Variants in CDON observed in about 807,000 individuals in gnomAD.
CDON encodes the protein cell adhesion molecule-related/down-regulated by oncogenes.
Under a neutral mutation model 120.9 loss-of-function variants are expected in CDON, and 73 were observed. The ratio of observed to expected loss-of-function variants is 0.60; its 90% CI spans 0.50 to 0.73. CDON has a LOEUF of 0.73. CDON is among the 30% of genes least tolerant of loss of function. The probability of loss-of-function intolerance (pLI) is 0.00; values close to 1 mark genes in which losing one functional copy is unlikely to be tolerated. For missense variants in CDON, 1,470 were observed against 1,587.3 expected (o/e 0.93, Z 1.26); for synonymous variants, 566 against 573.5 (o/e 0.99, Z 0.19).
intron 18 of CDON, among the ~76,000 whole-genome samples, chr11:125,970,083 T>C (rs1394113305): frequency 2.0e-5 from 3 of 152,136 alleles, no homozygotes; most frequent in Admixed American, 1.3e-4. Context: ...GGGAAAGAAC[T>C]ATCCGTGAAT....
At chr11:126,029,685 C>G (rs891328284) in intron 1 of CDON, among the ~76,000 whole-genome samples, 1 of 152,092 alleles carries the variant, frequency 6.6e-6, no homozygotes, top group Admixed American at 6.6e-5. Context: ...ACCCAGTGGT[C>G]TCAAATGGAA....
intron 1 of CDON, among the ~76,000 whole-genome samples, chr11:126,028,706 G>GT (rs1190353254): frequency 1.0e-4 from 12 of 118,860 alleles, no homozygotes; most frequent in Admixed American, 2.9e-4. Context: ...CAGCTGCGGA[G>GT]AATTTATTTA....
chr11:125,961,470 A>G (rs1945640990), intron 19 of CDON, among the ~76,000 whole-genome samples: 1 of 152,196 alleles, frequency 6.6e-6, no homozygotes. Context: ...ATCAAAGCCT[A>G]TTTCCAAATA....
intron 18 of CDON, 98 bp downstream of exon 18, chr11:125,978,206 C>T (rs1403575942): frequency 2.6e-6 from 2 of 757,720 alleles, no homozygotes; most frequent in Admixed American, 4.0e-5. Flanking sequence ...ACTTTATATC[C>T]TAGGTAAAAT....
chr11:125,984,632 G>C (rs185059264), intron 15 of CDON, among the ~76,000 whole-genome samples: 1 of 151,078 alleles, frequency 6.6e-6, no homozygotes, highest in Admixed American at 6.6e-5. Flanking sequence ...GGGAGAAGGA[G>C]GTTGCAGTGA....
chr11:126,043,066 G>A (rs1431073011), intron 1 of CDON, among the ~76,000 whole-genome samples: 2 of 152,202 alleles, frequency 1.3e-5, no homozygotes. Context: ...GAGGCTACTC[G>A]CTTTGACCTT....
In CDON at chr11:126,005,768, C is replaced by T. The variant is rs35705696; in HGVS notation, c.1842G>A (p.Lys614=). Residue 614 remains lysine, a synonymous_variant, in exon 9 of 20, where the codon AAG becomes AAA. Transcript: ENST00000531738. ...AACGACAAGACATTACCTTTCGATACTTCACAAAGTAAGCATTGATGGGCA... is the reference window on the plus strand; with the variant it reads ...AACGACAAGACATTACCTTTCGATATTTCACAAAGTAAGCATTGATGGGCA... ...GGLPINAYFV[K]YRKLDDGVGM... 7.4e-6 allele frequency: 12 copies of T among 1,613,344 alleles called. No homozygotes were observed. The East Asian group carries it at 2.5e-4, about 33-fold the overall frequency.
At chr11:126,004,412 T>C in intron 9 of CDON, 1 of 328,456 alleles carries the variant, frequency 3.0e-6, no homozygotes, top group Non-Finnish European at 5.8e-6. Context: ...AAGAATAAAA[T>C]AAGTATAAAA....
chr11:126,005,130 T>A (rs1947073933), intron 9 of CDON, among the ~76,000 whole-genome samples: 1 of 151,952 alleles, frequency 6.6e-6, no homozygotes, highest in Admixed American at 6.6e-5. Flanking sequence ...CAAAACCCCA[T>A]CTCTACTAAA....
Position 125,959,020 on chromosome 11 carries a change from G to A in CDON, c.*1922C>T, listed in dbSNP as rs1945568088. On this transcript the variant is annotated 3_prime_UTR_variant, in exon 20 of 20. Coordinates refer to ENST00000531738, the MANE Select transcript of CDON (RefSeq NM_001378964.1). ...AGAGCTAACTGCATTTAAGCAACAT[G>A]AAGAATAAATCCAGTATACTATAGG... 1 of 152,156 alleles carries A rather than the reference G, an allele frequency of 6.6e-6. No individual in the cohort carries two copies. The highest frequency in any genetic ancestry group is 1.5e-5 in the Non-Finnish European group (1 of 68,044). 9.4% of individuals were successfully genotyped at this position (152,156 alleles called of 1,614,324 possible). A position where few individuals can be genotyped will look rare whatever the true frequency, so the allele number is the denominator to read the frequency against.
At chr11:126,047,659 C>T (rs1278073933) in intron 1 of CDON, among the ~76,000 whole-genome samples, 1 of 152,134 alleles carries the variant, frequency 6.6e-6, no homozygotes, top group Non-Finnish European at 1.5e-5. Context: ...ATGGGATGAT[C>T]CCATAGCCCC....
intron 1 of CDON, among the ~76,000 whole-genome samples, chr11:126,027,445 G>A (rs1180596456): frequency 6.6e-6 from 1 of 152,122 alleles, no homozygotes; most frequent in Non-Finnish European, 1.5e-5. Context: ...TAATATTAGT[G>A]TTATGGTTAT....
intron 7 of CDON, chr11:126,015,007 T>C (rs1244475705): frequency 1.9e-6 from 1 of 537,930 alleles, no homozygotes; most frequent in African/African-American, 1.9e-5. Flanking sequence ...ATTTTTAAAG[T>C]AGGCAGAATC....
rs376371465 is a variant in CDON at position 125,998,778 on chromosome 11, C to T, written c.2159-1368G>A. Among the ~76,000 whole-genome samples the T allele has an allele frequency of 3.9e-5, 6 of 152,158 alleles. No homozygotes were observed. The East Asian group carries it at 9.6e-4, about 24-fold the overall frequency. ...CTGCTTTGCCTTGATCATCTGTGAA[C>T]TGGATAGACATGAGCCGGTTTTTGA... On this transcript the variant is annotated intron_variant, in intron 11 of 19. Coordinates refer to ENST00000531738, the MANE Select transcript of CDON (RefSeq NM_001378964.1).
intron 1 of CDON, among the ~76,000 whole-genome samples, chr11:126,059,482 C>A (rs548542411): frequency 9.3e-5 from 14 of 149,760 alleles, no homozygotes; most frequent in African/African-American, 2.2e-4. Flanking sequence ...CCCCCTCAAC[C>A]CCCCCTGCCC....
rs73019367 is a variant in CDON, at chr11:125,957,080, C to A, written c.*3862G>T. ...CTGAAGTTCATAAACATGTGGCGCT[C>A]GGTTAATGGTAAAAATAGACAATGT... On this transcript the variant is annotated 3_prime_UTR_variant, in exon 20 of 20. Coordinates refer to ENST00000531738, the MANE Select transcript of CDON (RefSeq NM_001378964.1). 0.037 allele frequency: 5,686 copies of A among 155,738 alleles called. 139 individuals carry two copies. The highest frequency in any genetic ancestry group is 0.056 in the Middle Eastern group (17 of 304). 9.6% of individuals were successfully genotyped at this position (155,738 alleles called of 1,614,324 possible).
intron 1 of CDON, among the ~76,000 whole-genome samples, chr11:126,047,478 C>T (rs1355199881): frequency 6.6e-6 from 1 of 152,160 alleles, no homozygotes; most frequent in Admixed American, 6.5e-5. Flanking sequence ...TTTGATTTGA[C>T]AGTCTCTCAG....
At chr11:126,028,837 A>G (rs547063380) in intron 1 of CDON, among the ~76,000 whole-genome samples, 90 of 150,772 alleles carry the variant, frequency 6.0e-4, no homozygotes, top group Middle Eastern at 6.8e-3. Context: ...GTGTGTGTAT[A>G]TATATATATA....
chr11:125,971,754 G>A (rs1188541691), intron 18 of CDON, among the ~76,000 whole-genome samples: 1 of 151,970 alleles, frequency 6.6e-6, no homozygotes, highest in East Asian at 1.9e-4. Flanking sequence ...ATTCCTTCCT[G>A]ATGGGGTCTC....
Sources: gnomAD v4.1 joint callset for allele counts (sites outside exome capture counted in the v4.1 genomes callset) on GRCh38, gnomAD v4.1.1 for gene constraint, MANE v1.5 for transcripts, NCBI Gene and HGNC (gene_info 2026-07-23, HGNC 2026-07-21) for gene names.